Variants in OPHN1 observed in about 807,000 individuals in gnomAD.
OPHN1 encodes the protein oligophrenin 1.
In OPHN1, 11 loss-of-function variants were observed where a neutral mutation model predicts 60.7. The ratio of observed to expected loss-of-function variants is 0.18; its 90% CI spans 0.11 to 0.30. The LOEUF is 0.30. OPHN1 is among the 10% of genes least tolerant of loss of function. The pLI, the probability that OPHN1 is intolerant of heterozygous loss-of-function variation, is 1.00. For missense variants in OPHN1, 449 were observed against 611.0 expected, an observed-to-expected ratio of 0.73 and a Z score of 2.80; for synonymous variants, 226 against 222.6, an observed-to-expected ratio of 1.02 and a Z score of -0.14.
chrX:68,049,733 T>A (rs1209858528), intron 23 of OPHN1, among the ~76,000 whole-genome samples: 1 of 112,213 alleles, frequency 8.9e-6, no homozygotes, highest in African/African-American at 3.2e-5. Flanking sequence ...TAGTATGTTA[T>A]ACAATGCCTT....
chrX:68,309,515 G>A (rs1189096001), intron 2 of OPHN1, among the ~76,000 whole-genome samples: 1 of 111,975 alleles, frequency 8.9e-6, no homozygotes, highest in Non-Finnish European at 1.9e-5. Context: ...GCAGTAGAGA[G>A]ATTAGAACTA....
chrX:68,377,600 T>C (rs1316179629), intron 2 of OPHN1, among the ~76,000 whole-genome samples: 1 of 106,340 alleles, frequency 9.4e-6, no homozygotes, highest in Non-Finnish European at 1.9e-5. Context: ...CCCACAACAG[T>C]CCCCAGAGTG....
intron 15 of OPHN1, among the ~76,000 whole-genome samples, chrX:68,172,125 C>T (rs185545654): frequency 1.8e-5 from 2 of 111,368 alleles, no homozygotes; most frequent in African/African-American, 6.5e-5. Flanking sequence ...AGGTACATAC[C>T]CAAGAGAAGT....
chrX:68,373,821 A>C (rs967230039), intron 2 of OPHN1, among the ~76,000 whole-genome samples: 1 of 111,631 alleles, frequency 9.0e-6, no homozygotes, highest in African/African-American at 3.3e-5. Context: ...TTTAGAGAAA[A>C]GAAGAGTGAG....
At chrX:68,388,960 AT>A (rs376035132) in intron 2 of OPHN1, among the ~76,000 whole-genome samples, 3,788 of 100,541 alleles carry the variant, frequency 0.038, 152 homozygotes, top group African/African-American at 0.12. Context: ...ACTAGTCAAC[AT>A]TTTTTTTTTT....
At chrX:68,122,790 C>A (rs898057964) in intron 15 of OPHN1, among the ~76,000 whole-genome samples, 16 of 109,962 alleles carry the variant, frequency 1.5e-4, no homozygotes, top group Non-Finnish European at 2.3e-4. Context: ...TTCGAAAATA[C>A]ACATTTAGAG....
intron 3 of OPHN1, among the ~76,000 whole-genome samples, chrX:68,292,784 C>G (rs1472238524): frequency 9.0e-6 from 1 of 111,665 alleles, no homozygotes; most frequent in African/African-American, 3.3e-5. Context: ...TGTATTTTCT[C>G]TTTTCCTCAG....
chrX:68,064,171 A>C lies in OPHN1; in HGVS notation c.1841T>G (p.Ile614Ser). Residue 614 changes from isoleucine to serine, a missense_variant, in exon 21 of 25, where the codon ATC (isoleucine) becomes AGC (serine). Ile to Ser is a moderately radical substitution (Grantham distance 142). Transcript: ENST00000355520. ...AGTACCATTCGGTGTTTGATGTTGG[A>C]TTTCATCTAGGAAAAGTTGGTGCCA... The part of the protein sequence containing the change: ...TSSLDESEDE[I>S]QHQTPNGTIT... 1 of 1,210,631 alleles carries C rather than the reference A, an allele frequency of 8.3e-7. No homozygotes were observed. The highest frequency in any genetic ancestry group is 1.8e-5 in the South Asian group (1 of 56,831).
chrX:68,283,124 G>A lies in OPHN1; in HGVS notation c.251-7C>T. On this transcript the variant is annotated splice_polypyrimidine_tract_variant and splice_region_variant and intron_variant, in intron 3 of 24. Transcript: ENST00000355520. ...AATTCCTTGAAGGATTCAGCTGGAAGGAGAGAATCAAATGTAAAACAAATT... is the reference window on the plus strand; with the variant it reads ...AATTCCTTGAAGGATTCAGCTGGAAAGAGAGAATCAAATGTAAAACAAATT... The A allele has an allele frequency of 8.4e-7, 1 of 1,187,579 alleles. No homozygotes were observed. Among genetic ancestry groups the A allele is most frequent in the South Asian group, 1.8e-5 (1 of 56,299 alleles).
intron 2 of OPHN1, among the ~76,000 whole-genome samples, chrX:68,391,161 T>A (rs1021628634): frequency 8.1e-5 from 9 of 111,706 alleles, no homozygotes; most frequent in African/African-American, 2.9e-4. Flanking sequence ...TTCCTTTGGG[T>A]ACTTAGGGTA....
intron 19 of OPHN1, among the ~76,000 whole-genome samples, 155 bp downstream of exon 19, chrX:68,096,715 C>T (rs2077039430): frequency 9.0e-6 from 1 of 111,475 alleles, no homozygotes. Context: ...GAATGAATTT[C>T]CCAGGGTCAG....
chrX:68,101,543 T>C (rs1201924465), intron 18 of OPHN1, among the ~76,000 whole-genome samples: 1 of 112,411 alleles, frequency 8.9e-6, no homozygotes, highest in Non-Finnish European at 1.9e-5. Flanking sequence ...TAATTGTGAA[T>C]ACACGCATAC....
chrX:68,244,110 T>C (rs1044036399), intron 5 of OPHN1, among the ~76,000 whole-genome samples: 10 of 112,456 alleles, frequency 8.9e-5, no homozygotes. Context: ...TCAGACACAA[T>C]GGCCTTCTTT....
intron 6 of OPHN1, among the ~76,000 whole-genome samples, chrX:68,220,986 T>C (rs1157748138): frequency 3.9e-5 from 4 of 101,585 alleles, no homozygotes; most frequent in South Asian, 5.2e-4. Context: ...AAGAGGAAGT[T>C]AAATTGTCCC....
intron 3 of OPHN1, among the ~76,000 whole-genome samples, chrX:68,292,197 C>T (rs887458859): frequency 1.8e-5 from 2 of 111,023 alleles, no homozygotes; most frequent in African/African-American, 6.5e-5. Flanking sequence ...ATCGCTGAGC[C>T]CAGCTTTACT....
chrX:68,226,222 G>A (rs1379650601), intron 6 of OPHN1, among the ~76,000 whole-genome samples: 2 of 111,510 alleles, frequency 1.8e-5, no homozygotes, highest in Non-Finnish European at 3.8e-5. Flanking sequence ...AAGAAATATG[G>A]GACTATGGGA....
intron 2 of OPHN1, among the ~76,000 whole-genome samples, chrX:68,402,335 AAAAG>A (rs1449980275): frequency 1.8e-5 from 2 of 108,429 alleles, no homozygotes; most frequent in Non-Finnish European, 3.8e-5. Context: ...AGGAAGAAGA[AAAAG>A]AAGAAGAAGG....
chrX:68,301,344 G>A (rs1053935191), intron 2 of OPHN1, among the ~76,000 whole-genome samples: 1 of 106,474 alleles, frequency 9.4e-6, no homozygotes, highest in African/African-American at 3.4e-5. Context: ...TACTTGGGGG[G>A]TTGAGACAGG....
intron 6 of OPHN1, among the ~76,000 whole-genome samples, chrX:68,217,565 C>A (rs913233496): frequency 9.2e-6 from 1 of 109,276 alleles, no homozygotes; most frequent in African/African-American, 3.3e-5. Flanking sequence ...GTTCTCCCAG[C>A]ATGCAGCTGG....
Sources: allele counts gnomAD v4.1 joint callset (sites outside exome capture counted in the v4.1 genomes callset), GRCh38; gene constraint gnomAD v4.1.1; transcripts MANE v1.5; gene names NCBI Gene and HGNC (gene_info 2026-07-23, HGNC 2026-07-21).